Variants in TENM2 observed in about 807,000 individuals in gnomAD.
The protein encoded by TENM2 is teneurin transmembrane protein 2.
Under a neutral mutation model 245.2 loss-of-function variants are expected in TENM2, and 52 were observed. That is an observed-to-expected ratio of 0.21 (90% CI 0.17 to 0.27). The LOEUF is 0.27. TENM2 is among the 10% of genes least tolerant of loss of function. The pLI is 1.00. For synonymous variants in TENM2, 1,363 were observed against 1,438.9 expected (o/e 0.95, Z 1.19); for missense variants, 3,046 against 3,666.8 (o/e 0.83, Z 4.37).
At chr5:168,070,817 G>GAAAGA (rs1554190568) in intron 7 of TENM2, among the ~76,000 whole-genome samples, 1 of 104,416 alleles carries the variant, frequency 9.6e-6, no homozygotes, top group Non-Finnish European at 2.2e-5. Flanking sequence ...GAGAGAGAGA[G>GAAAGA]AGAAAAAAAG....
chr5:167,636,714 G>A (rs754208157), intron 2 of TENM2, among the ~76,000 whole-genome samples: 1 of 152,158 alleles, frequency 6.6e-6, no homozygotes, highest in South Asian at 2.1e-4. Context: ...CTGACTTACA[G>A]GGTATCAACT....
the TENM2 span, among the ~76,000 whole-genome samples, chr5:167,018,081 C>A: frequency 6.6e-6 from 1 of 152,092 alleles, no homozygotes; most frequent in Non-Finnish European, 1.5e-5. Context: ...ATAATGTATT[C>A]TTTCCTTAAT....
intron 2 of TENM2, among the ~76,000 whole-genome samples, chr5:167,420,683 C>G (rs546841789): frequency 3.3e-5 from 5 of 152,296 alleles, no homozygotes; most frequent in African/African-American, 1.2e-4. Context: ...TGTAAACTTG[C>G]AACTGCCTTC....
intron 5 of TENM2, among the ~76,000 whole-genome samples, chr5:168,004,034 G>T (rs1028680864): frequency 1.3e-5 from 2 of 152,166 alleles, no homozygotes; most frequent in African/African-American, 4.8e-5. Flanking sequence ...ACTGAATGTG[G>T]CTGTTGGTTC....
chr5:167,864,568 A>G (rs1049431674), intron 2 of TENM2, among the ~76,000 whole-genome samples: 11 of 152,232 alleles, frequency 7.2e-5, no homozygotes, highest in African/African-American at 2.7e-4. Context: ...GGCAGAATCA[A>G]TATTTGACAT....
intron 2 of TENM2, among the ~76,000 whole-genome samples, chr5:167,700,194 G>C (rs1202347343): frequency 6.6e-6 from 1 of 152,192 alleles, no homozygotes; most frequent in East Asian, 1.9e-4. Flanking sequence ...TCCCTTGATA[G>C]AGAGATCAGA....
chr5:167,772,626 C>CT (rs34173993), intron 2 of TENM2, among the ~76,000 whole-genome samples: 258 of 146,446 alleles, frequency 1.8e-3, no homozygotes, highest in South Asian at 6.3e-3. Context: ...ATCAGACCCA[C>CT]TTTTTTTTTT....
chr5:167,964,539 G>A (rs1047479115), intron 4 of TENM2, among the ~76,000 whole-genome samples: 6 of 152,192 alleles, frequency 3.9e-5, no homozygotes, highest in African/African-American at 1.4e-4. Flanking sequence ...CGGCAAAGGA[G>A]AAAAACAAAA....
chr5:167,273,681 A>G, the TENM2 span, among the ~76,000 whole-genome samples: 1 of 152,108 alleles, frequency 6.6e-6, no homozygotes, highest in African/African-American at 2.4e-5. Flanking sequence ...TTTTTCCTTT[A>G]TACCAAAACT....
chr5:168,019,568 C>A (rs1281003250), intron 5 of TENM2, among the ~76,000 whole-genome samples: 2 of 152,150 alleles, frequency 1.3e-5, no homozygotes, highest in Non-Finnish European at 2.9e-5. Flanking sequence ...CATTGATCAG[C>A]CTTTTGCTCG....
intron 2 of TENM2, among the ~76,000 whole-genome samples, chr5:167,533,613 C>A (rs936479418): frequency 6.6e-6 from 1 of 152,034 alleles, no homozygotes; most frequent in African/African-American, 2.4e-5. Flanking sequence ...TGCATCACCA[C>A]GCTTGGCTAA....
chr5:168,038,422 A>G (rs247994), intron 5 of TENM2, among the ~76,000 whole-genome samples: 59,280 of 151,888 alleles, frequency 0.39, 12,456 homozygotes, highest in African/African-American at 0.54. Flanking sequence ...AAGAGCACAC[A>G]CTTGGCTCTA....
At chr5:167,672,742 G>T (rs987657954) in intron 2 of TENM2, among the ~76,000 whole-genome samples, 2 of 152,002 alleles carry the variant, frequency 1.3e-5, no homozygotes, top group Non-Finnish European at 2.9e-5. Context: ...AGGTGTTCAC[G>T]CAGGCACCTA....
intron 2 of TENM2, among the ~76,000 whole-genome samples, chr5:167,837,876 G>A (rs1561838910): frequency 2.0e-5 from 3 of 151,662 alleles, no homozygotes; most frequent in Non-Finnish European, 4.4e-5. Flanking sequence ...TCTACTTAGC[G>A]CAGCATATGA....
intron 3 of TENM2, among the ~76,000 whole-genome samples, chr5:167,945,822 A>G (rs1779574521): frequency 6.6e-6 from 1 of 152,126 alleles, no homozygotes; most frequent in Non-Finnish European, 1.5e-5. Context: ...TCCTTCAAGG[A>G]CAGCCCCCTG....
intron 13 of TENM2, among the ~76,000 whole-genome samples, chr5:168,184,565 G>T (rs1486813805): frequency 1.3e-5 from 2 of 152,186 alleles, no homozygotes; most frequent in African/African-American, 2.4e-5. Context: ...TCTATAAGCT[G>T]CCCAGAAGAT....
intron 2 of TENM2, among the ~76,000 whole-genome samples, chr5:167,471,041 A>G (rs529216073): frequency 1.1e-4 from 17 of 152,286 alleles, no homozygotes; most frequent in African/African-American, 4.1e-4. Context: ...CTGTCAAATA[A>G]TGAAAGATAG....
chr5:167,444,550 A>G (rs1449398782), intron 2 of TENM2, among the ~76,000 whole-genome samples: 1 of 152,198 alleles, frequency 6.6e-6, no homozygotes, highest in Non-Finnish European at 1.5e-5. Flanking sequence ...CCCTACTTAT[A>G]CTTCACGTAG....
intron 1 of TENM2, among the ~76,000 whole-genome samples, chr5:167,331,924 A>G (rs114720619): frequency 1.2e-3 from 180 of 152,312 alleles, no homozygotes; most frequent in Non-Finnish European, 2.2e-3. Context: ...ATTTACGAAA[A>G]TGCAGTAAAA....
Sources: gnomAD v4.1 joint callset for allele counts (sites outside exome capture counted in the v4.1 genomes callset) on GRCh38, gnomAD v4.1.1 for gene constraint, MANE v1.5 for transcripts, NCBI Gene and HGNC (gene_info 2026-07-23, HGNC 2026-07-21) for gene names.